ANO10: variants seen among roughly 807,000 people sequenced by gnomAD.
ANO10 encodes the protein anoctamin 10, also known as anoctamin-10.
Under a neutral mutation model 74.7 loss-of-function variants are expected in ANO10, and 77 were observed. The observed-to-expected ratio is 1.03, with a 90% CI of 0.86 to 1.25. ANO10 has a LOEUF of 1.25. ANO10 is among the 50% of genes most tolerant of loss of function. The pLI is 0.00. For missense variants in ANO10, 721 were observed against 778.1 expected, an observed-to-expected ratio of 0.93 and a Z score of 0.87; for synonymous variants, 279 against 284.9, an observed-to-expected ratio of 0.98 and a Z score of 0.21.
chr3:43,469,480 T>C (rs1048758106), intron 11 of ANO10, among the ~76,000 whole-genome samples: 1 of 152,242 alleles, frequency 6.6e-6, no homozygotes, highest in African/African-American at 2.4e-5. Flanking sequence ...TATTCTCTTT[T>C]ATAATATTCC....
Position 43,366,727 on chromosome 3 carries a change from G to C in ANO10, c.*179C>G, listed in dbSNP as rs111871863. The C allele has an allele frequency of 3.0e-6, 2 of 676,984 alleles. No homozygotes were observed. The highest frequency in any genetic ancestry group is 3.3e-5 in the South Asian group (2 of 60,074). 41.9% of individuals were successfully genotyped at this position (676,984 alleles called of 1,614,324 possible). ...GGCTGGGGGAACTGCCAAGGATCCC[G>C]AGCCAAGCCACTGCGAAACTGAGAA... On this transcript the variant is annotated 3_prime_UTR_variant, in exon 13 of 13. Coordinates refer to ENST00000292246, the MANE Select transcript of ANO10 (RefSeq NM_018075.5).
In ANO10 at chr3:43,621,993, G is replaced by GGGGGCGGGCCAGGCCAGT. The variant is rs1361863492; in HGVS notation, c.-114_-97dup. ...GCCGGGCGAAAGAGTGCTCGGTGCG[G>GGGGGCGGGCCAGGCCAGT]GGGGCGGGCCAGGCCAGTGGGGCGG... is the stretch of plus-strand genomic sequence containing the variant. On this transcript the variant is annotated 5_prime_UTR_variant, in exon 1 of 13. Transcript: ENST00000292246. The GGGGGCGGGCCAGGCCAGT allele has an allele frequency of 1.3e-5, 2 of 152,728 alleles. No homozygotes were observed. Among genetic ancestry groups the GGGGGCGGGCCAGGCCAGT allele is most frequent in the East Asian group, 3.8e-4 (2 of 5,214 alleles). The allele number at this position is 152,728 out of a possible 1,614,324, so 9.5% of individuals were successfully genotyped here. A position where few individuals can be genotyped will look rare whatever the true frequency, so the allele number is the denominator to read the frequency against.
At chr3:43,477,146 AAT>A (rs1491530130) in intron 11 of ANO10, among the ~76,000 whole-genome samples, 1 of 152,240 alleles carries the variant, frequency 6.6e-6, no homozygotes, top group Non-Finnish European at 1.5e-5. Flanking sequence ...CTGGTTTACA[AAT>A]AGAGAAATCT....
chr3:43,653,215 GA>G (rs923898741), intron 1 of ANO10, among the ~76,000 whole-genome samples: 50 of 148,300 alleles, frequency 3.4e-4, no homozygotes, highest in African/African-American at 1.1e-3. Flanking sequence ...GTCTCAAAAA[GA>G]AAAAAAAAGA....
intron 11 of ANO10, among the ~76,000 whole-genome samples, chr3:43,447,059 G>C (rs560629428): frequency 6.6e-6 from 1 of 152,226 alleles, no homozygotes; most frequent in East Asian, 1.9e-4. Flanking sequence ...TAATATTAGA[G>C]ATCTTTCCAT....
intron 12 of ANO10, among the ~76,000 whole-genome samples, chr3:43,382,607 C>T (rs181743539): frequency 3.0e-4 from 45 of 150,804 alleles, no homozygotes; most frequent in Middle Eastern, 3.4e-3. Flanking sequence ...ATAAATGAAA[C>T]GAAAAGCTGG....
Position 43,595,867 on chromosome 3 carries a change from C to T in ANO10, c.472+2665G>A, listed in dbSNP as rs574253392. On this transcript the variant is annotated intron_variant, in intron 4 of 12. Coordinates refer to ENST00000292246, the MANE Select transcript of ANO10 (RefSeq NM_018075.5). Reference sequence around the variant, plus strand: ...TGACTGTATATTTAGAAAACCCCATCGTCTCAGCCAAAAATCTCCTTAAGC... The same window carrying T: ...TGACTGTATATTTAGAAAACCCCATTGTCTCAGCCAAAAATCTCCTTAAGC... Among the ~76,000 whole-genome samples the T allele has an allele frequency of 5.3e-5, 8 of 152,214 alleles. No homozygotes were observed. The South Asian group carries it at 6.2e-4, about 12-fold the overall frequency.
Position 43,524,265 on chromosome 3 carries a change from C to T in ANO10, c.1797+25455G>A, listed in dbSNP as rs1042661244. On this transcript the variant is annotated intron_variant, in intron 11 of 12. Coordinates refer to ENST00000292246, the MANE Select transcript of ANO10 (RefSeq NM_018075.5). ...GAATGACTTTCTAGAATAACTGAGT[C>T]ATTTGCTTCAAACAAGCATTGTGCT... Among the ~76,000 whole-genome samples the T allele has an allele frequency of 1.7e-3, 5 of 3,026 alleles. No homozygotes were observed. The Non-Finnish European group carries it at 0.029, about 18-fold the overall frequency. 2.0% of individuals were successfully genotyped at this position (3,026 alleles called of 152,430 possible).
At chr3:43,550,108 G>C (rs1459443679) in intron 10 of ANO10, among the ~76,000 whole-genome samples, 2 of 152,068 alleles carry the variant, frequency 1.3e-5, no homozygotes, top group African/African-American at 4.8e-5. Flanking sequence ...AGGCAGCCCT[G>C]GACCTGAATT....
chr3:43,570,447 CA>C (rs2149380884), intron 7 of ANO10, among the ~76,000 whole-genome samples: 1 of 151,826 alleles, frequency 6.6e-6, no homozygotes, highest in Admixed American at 6.6e-5. Flanking sequence ...TACAAGGCTA[CA>C]GTCACCAAAA....
chr3:43,388,311 TAG>T (rs567802577), intron 12 of ANO10, among the ~76,000 whole-genome samples: 38 of 152,166 alleles, frequency 2.5e-4, no homozygotes, highest in African/African-American at 8.9e-4. Flanking sequence ...GCAGTGATTA[TAG>T]AGTTTCACTG....
chr3:43,491,200 G>A (rs35914971), intron 11 of ANO10, among the ~76,000 whole-genome samples: 3,276 of 152,212 alleles, frequency 0.022, 52 homozygotes, highest in Non-Finnish European at 0.034. Context: ...CAAGACCCTG[G>A]AAGTATGCCA....
At chr3:43,648,627 G>A (rs1434925089) in intron 1 of ANO10, among the ~76,000 whole-genome samples, 2 of 151,378 alleles carry the variant, frequency 1.3e-5, no homozygotes, top group African/African-American at 4.9e-5. Context: ...GTGATCGATC[G>A]GAGGTCACTC....
chr3:43,605,280 T>C (rs1013700166), intron 2 of ANO10, among the ~76,000 whole-genome samples: 2 of 152,208 alleles, frequency 1.3e-5, no homozygotes, highest in South Asian at 2.1e-4. Context: ...TACTTTTCTT[T>C]ATTTTGAATT....
At chr3:43,461,983 T>C (rs1169530779) in intron 11 of ANO10, among the ~76,000 whole-genome samples, 1 of 152,140 alleles carries the variant, frequency 6.6e-6, no homozygotes, top group Non-Finnish European at 1.5e-5. Context: ...AAAATGCTGA[T>C]AGTGATATGA....
At chr3:43,392,921 A>G (rs1386365322) in intron 12 of ANO10, among the ~76,000 whole-genome samples, 1 of 152,216 alleles carries the variant, frequency 6.6e-6, no homozygotes, top group Non-Finnish European at 1.5e-5. Context: ...GTTAAATCCA[A>G]GGGGGCATTT....
chr3:43,511,876 C>T (rs1441194835), intron 11 of ANO10, among the ~76,000 whole-genome samples: 2 of 152,230 alleles, frequency 1.3e-5, no homozygotes. Flanking sequence ...CTCCAGGCAG[C>T]CCTCAGGGCA....
chr3:43,455,214 GGGA>G (rs1173039895), intron 11 of ANO10, among the ~76,000 whole-genome samples: 1 of 152,268 alleles, frequency 6.6e-6, no homozygotes, highest in Non-Finnish European at 1.5e-5. Context: ...GGAGGACTGA[GGGA>G]GGAGAAGGCA....
intron 11 of ANO10, among the ~76,000 whole-genome samples, chr3:43,477,470 TTAAGA>T (rs2076108669): frequency 6.6e-6 from 1 of 152,214 alleles, no homozygotes; most frequent in Non-Finnish European, 1.5e-5. Flanking sequence ...TTTCATTTTA[TTAAGA>T]TAATTGTTAA....
Sources: allele counts gnomAD v4.1 joint callset (sites outside exome capture counted in the v4.1 genomes callset), GRCh38; gene constraint gnomAD v4.1.1; transcripts MANE v1.5; gene names NCBI Gene and HGNC (gene_info 2026-07-23, HGNC 2026-07-21).